The following JCAD variants were observed in gnomAD, a reference collection of about 807,000 sequenced individuals.
JCAD encodes junctional cadherin 5 associated.
In JCAD, 40 loss-of-function variants were observed where a neutral mutation model predicts 98.0. That is an observed-to-expected ratio of 0.41 (90% CI 0.32 to 0.53). The LOEUF (loss-of-function observed/expected upper bound fraction) is 0.53, where lower values mean the gene tolerates loss of function less well. JCAD is among the 20% of genes least tolerant of loss of function. JCAD has a pLI of 0.31. For missense variants in JCAD, 1,705 were observed against 1,738.1 expected (o/e 0.98, Z 0.34); for synonymous variants, 691 against 682.3 (o/e 1.01, Z -0.20).
At chr10:30,071,710 G>A (rs1024121315) in intron 1 of JCAD, among the ~76,000 whole-genome samples, 3 of 152,036 alleles carry the variant, frequency 2.0e-5, no homozygotes, top group South Asian at 2.1e-4. Flanking sequence ...CCTGGGGGGC[G>A]GAGGTTGCAA....
chr10:30,098,570 T>C (rs1297271332), intron 1 of JCAD, among the ~76,000 whole-genome samples: 1 of 152,208 alleles, frequency 6.6e-6, no homozygotes, highest in Admixed American at 6.5e-5. Flanking sequence ...TCATTTGCTT[T>C]TGTGTCCTCA....
intron 1 of JCAD, among the ~76,000 whole-genome samples, chr10:30,055,902 C>T (rs1177116741): frequency 6.6e-6 from 1 of 151,994 alleles, no homozygotes; most frequent in Admixed American, 6.6e-5. Context: ...TCTGACTCCT[C>T]TTTTTTTTCT....
rs369877235 is a variant in JCAD, at chr10:30,028,859, C to A, written c.1289G>T (p.Arg430Leu). ...CTGAGCTAGTTTAAAATGTCGTAAC[C>A]GTGGATCATCAAAGGGAATGTACTG... The part of the protein sequence containing the change: ...FVQYIPFDDP[R>L]LRHFKLAQPQ... The change falls in exon 3 of 4, where the codon CGG (arginine) becomes CTG (leucine). Residue 430 changes from arginine (R) to leucine (L), a missense_variant. Transcript: ENST00000375377. The A allele has an allele frequency of 1.1e-5, 17 of 1,614,052 alleles. No individual in the cohort carries two copies. The highest frequency in any genetic ancestry group is 2.7e-5 in the African/African-American group (2 of 74,900).
chr10:30,063,663 G>C (rs954899068), upstream of JCAD, among the ~76,000 whole-genome samples: 1 of 152,146 alleles, frequency 6.6e-6, no homozygotes, highest in Non-Finnish European at 1.5e-5. Flanking sequence ...TATTTATGGG[G>C]TACAGTGTGA....
intron 1 of JCAD, among the ~76,000 whole-genome samples, chr10:30,070,868 T>A (rs1424829713): frequency 6.6e-6 from 1 of 152,222 alleles, no homozygotes; most frequent in Non-Finnish European, 1.5e-5. Context: ...ATTTTATATG[T>A]TAAAGTATTA....
intron 1 of JCAD, among the ~76,000 whole-genome samples, chr10:30,114,269 T>TA (rs1471771214): frequency 2.6e-5 from 4 of 152,170 alleles, no homozygotes; most frequent in African/African-American, 4.8e-5. Flanking sequence ...GGGTGGGAGA[T>TA]ACAGGATAAA....
Position 30,026,278 on chromosome 10 carries a change from G to T in JCAD, c.3870C>A (p.Ala1290=), listed in dbSNP as rs1470984309. 6.2e-7 allele frequency: 1 copy of T among 1,613,860 alleles called. No individual in the cohort carries two copies. The highest frequency in any genetic ancestry group is 2.2e-5 in the East Asian group (1 of 44,858). ...GGAGCCCGGCCTGGCCCCTTGTGGTGGCCTTCAATTCCTCGGCGTCCTCCT... is the reference window on the plus strand; with the variant it reads ...GGAGCCCGGCCTGGCCCCTTGTGGTTGCCTTCAATTCCTCGGCGTCCTCCT... ...DSQEDAEELK[A]TTRGQAGLPG... is the part of the protein sequence containing the mutation. Residue 1290 remains alanine, a synonymous_variant, in exon 3 of 4, where the codon GCC becomes GCA. Coordinates refer to ENST00000375377, the MANE Select transcript of JCAD (RefSeq NM_020848.4).
intron 1 of JCAD, among the ~76,000 whole-genome samples, chr10:30,091,446 T>C (rs1319625844): frequency 2.0e-5 from 3 of 152,166 alleles, no homozygotes; most frequent in Non-Finnish European, 2.9e-5. Context: ...TTATTTTTAG[T>C]TTTTAACAAA....
chr10:30,109,010 G>A (rs1564475671), intron 1 of JCAD, among the ~76,000 whole-genome samples: 1 of 152,108 alleles, frequency 6.6e-6, no homozygotes, highest in African/African-American at 2.4e-5. Context: ...TGAAACAACG[G>A]GAGCCTGAGT....
Position 30,047,820 on chromosome 10 carries a change from G to A in JCAD, c.-8C>T. 2 of 1,593,752 alleles carry A rather than the reference G, an allele frequency of 1.3e-6. No individual in the cohort carries two copies. Among genetic ancestry groups the A allele is most frequent in the Non-Finnish European group, 1.7e-6 (2 of 1,168,584 alleles). ...GTCTTCTACACTGTACATGATGCCTGGGCTTCAGCAAAGCTCAACCACTGG... is the reference window on the plus strand; with the variant it reads ...GTCTTCTACACTGTACATGATGCCTAGGCTTCAGCAAAGCTCAACCACTGG... On this transcript the variant is annotated 5_prime_UTR_variant, in exon 2 of 4. Coordinates refer to ENST00000375377, the MANE Select transcript of JCAD (RefSeq NM_020848.4).
intron 1 of JCAD, among the ~76,000 whole-genome samples, chr10:30,087,353 C>T (rs7098737): frequency 0.017 from 2,537 of 152,196 alleles, 62 homozygotes; most frequent in African/African-American, 0.058. Context: ...AAGGGAAAAT[C>T]GCTTGAACCT....
Position 30,064,833 on chromosome 10 carries a change from G to A in JCAD, n.250+4867C>T, listed in dbSNP as rs963372585. On this transcript the variant is annotated intron_variant and non_coding_transcript_variant, in intron 2 of 2. Coordinates refer to the JCAD transcript ENST00000465712. ...ATTACAGGCACGTGCCACCACGCCT[G>A]GTTAATTTTTGTATTTTTAGTAAAG... Among the ~76,000 whole-genome samples the A allele has an allele frequency of 1.4e-4, 21 of 152,092 alleles. 1 individual carries two copies. The highest frequency in any genetic ancestry group is 5.1e-4 in the African/African-American group (21 of 41,388).
At chr10:30,092,046 A>ATATATAT (rs1838277802) in intron 1 of JCAD, among the ~76,000 whole-genome samples, 1 of 38,634 alleles carries the variant, frequency 2.6e-5, no homozygotes, top group African/African-American at 1.9e-4. Context: ...AAAAAAAAAA[A>ATATATAT]AAAAAAAAAA....
Position 30,059,452 on chromosome 10 carries a change from G to A in JCAD, c.-60+30C>T, listed in dbSNP as rs1275029202. The A allele has an allele frequency of 6.6e-6, 1 of 151,524 alleles. No individual in the cohort carries two copies. Among genetic ancestry groups the A allele is most frequent in the East Asian group, 1.9e-4 (1 of 5,166 alleles). 9.4% of individuals were successfully genotyped at this position (151,524 alleles called of 1,614,324 possible). Reference sequence around the variant, plus strand: ...TGGGAGCGGCCCTAATGGACGGTGGGAGCCAGGAGGGTTAGACGCCGGGAC... The same window carrying A: ...TGGGAGCGGCCCTAATGGACGGTGGAAGCCAGGAGGGTTAGACGCCGGGAC... On this transcript the variant is annotated intron_variant, in intron 1 of 3. Coordinates refer to ENST00000375377, the MANE Select transcript of JCAD (RefSeq NM_020848.4). The surrounding 1 kb of genome is among the most constrained non-coding windows in gnomAD (Gnocchi z 5.0).
intron 1 of JCAD, among the ~76,000 whole-genome samples, chr10:30,071,678 T>C (rs999797799): frequency 7.2e-5 from 11 of 152,078 alleles, no homozygotes; most frequent in African/African-American, 2.7e-4. Flanking sequence ...CTCTGGAGGC[T>C]GAGGCAGGAG....
intron 1 of JCAD, among the ~76,000 whole-genome samples, chr10:30,074,507 C>G (rs1017257862): frequency 6.6e-6 from 1 of 152,218 alleles, no homozygotes; most frequent in Non-Finnish European, 1.5e-5. Context: ...ATGACGACTT[C>G]CAGGCAGAGA....
intron 1 of JCAD, among the ~76,000 whole-genome samples, chr10:30,077,497 T>G (rs148783428): frequency 7.6e-4 from 116 of 152,292 alleles, no homozygotes; most frequent in African/African-American, 2.8e-3. Flanking sequence ...ATTAAGTACA[T>G]TGATGGTGTT....
intron 1 of JCAD, among the ~76,000 whole-genome samples, chr10:30,086,938 T>A (rs887252250): frequency 6.6e-6 from 1 of 152,234 alleles, no homozygotes; most frequent in Admixed American, 6.5e-5. Context: ...TGCTGTCACC[T>A]GTTACAGTGG....
At chr10:30,048,809 C>T (rs1002068401) in intron 1 of JCAD, among the ~76,000 whole-genome samples, 7 of 152,092 alleles carry the variant, frequency 4.6e-5, no homozygotes, top group African/African-American at 1.7e-4. Context: ...CTCAGGTAAT[C>T]CACCCGCCTC....
Sources: gnomAD v4.1 joint callset for allele counts (sites outside exome capture counted in the v4.1 genomes callset) on GRCh38, gnomAD v4.1.1 for gene constraint, Gnocchi (gnomAD v3.1) non-coding constraint, MANE v1.5 for transcripts, NCBI Gene and HGNC (gene_info 2026-07-23, HGNC 2026-07-21) for gene names.